The following PARD3B variants were observed in gnomAD, a reference collection of about 807,000 sequenced individuals.
PARD3B encodes par-3 family cell polarity regulator beta, also known as partitioning defective 3 homolog B.
A neutral mutation model predicts 130.2 loss-of-function variants in PARD3B; 103 were observed. The ratio of observed to expected loss-of-function variants is 0.79; its 90% CI spans 0.67 to 0.93. The LOEUF (loss-of-function observed/expected upper bound fraction) is 0.93. Ranked by LOEUF, PARD3B falls within the 40% of genes least tolerant of loss-of-function variation. The pLI is 0.00. For synonymous variants in PARD3B, 583 were observed against 553.2 expected (o/e 1.05, Z -0.76); for missense variants, 1,609 against 1,499.2 (o/e 1.07, Z -1.21).
chr2:204,690,879 G>T (rs965140493), intron 2 of PARD3B, among the ~76,000 whole-genome samples: 1 of 152,132 alleles, frequency 6.6e-6, no homozygotes, highest in African/African-American at 2.4e-5. Context: ...TTGTACTTCA[G>T]ATGGGTTCCT....
chr2:204,859,250 A>C (rs2045086515), intron 2 of PARD3B, among the ~76,000 whole-genome samples: 1 of 152,170 alleles, frequency 6.6e-6, no homozygotes, highest in South Asian at 2.1e-4. Flanking sequence ...GACTTTAACA[A>C]GTATGTGCTG....
chr2:205,433,258 C>A (rs540758068), intron 19 of PARD3B, among the ~76,000 whole-genome samples: 159 of 152,244 alleles, frequency 1.0e-3, no homozygotes, highest in Middle Eastern at 6.8e-3. Context: ...ATAGGCTGGG[C>A]ACGGTGGCTC....
At chr2:205,332,942 G>A (rs1299253159) in intron 18 of PARD3B, among the ~76,000 whole-genome samples, 1 of 152,152 alleles carries the variant, frequency 6.6e-6, no homozygotes, top group Non-Finnish European at 1.5e-5. Flanking sequence ...TTCCTTAGCT[G>A]TTATATAGCA....
rs1417007734 is a variant in PARD3B at position 204,893,391 on chromosome 2, A to G, written c.223-71761A>G. Among the ~76,000 whole-genome samples the G allele has an allele frequency of 2.0e-5, 3 of 152,294 alleles. 1 individual carries two copies. The South Asian group carries it at 6.2e-4, about 32-fold the overall frequency. On this transcript the variant is annotated intron_variant, in intron 2 of 22. Transcript: ENST00000406610. ...GAAATGAGAAAGTGCTTGGAGGAGA[A>G]TATAGAGTCAGATGAGGGATTTTTA... is the stretch of plus-strand genomic sequence containing the variant.
chr2:204,904,075 G>T (rs1400615779), intron 2 of PARD3B, among the ~76,000 whole-genome samples: 2 of 151,950 alleles, frequency 1.3e-5, no homozygotes, highest in African/African-American at 4.8e-5. Flanking sequence ...GCATAAAAAA[G>T]GCTCTGATTT....
chr2:205,521,163 C>G (rs928332111), intron 21 of PARD3B, among the ~76,000 whole-genome samples: 1 of 151,648 alleles, frequency 6.6e-6, no homozygotes, highest in Non-Finnish European at 1.5e-5. Flanking sequence ...TAGAGCAACC[C>G]TATTAAAATT....
At position 205,274,534 on chromosome 2, in the gene PARD3B, A is replaced by G. The variant is rs2040864296; in HGVS notation, c.2186-25996A>G. On this transcript the variant is annotated intron_variant, in intron 16 of 22. Transcript: ENST00000406610. This position sits in a 1 kb window ranked among gnomAD's most constrained non-coding sequence, Gnocchi z 4.2. ...ATGAATAGTATTAAATGTGTGGTAC[A>G]TTGCTTTTTTTAATAACCCCTTTCC... is the stretch of plus-strand genomic sequence containing the variant. Among the ~76,000 whole-genome samples, 1 of 35,010 alleles carries G rather than the reference A, an allele frequency of 2.9e-5. No individual in the cohort carries two copies. The allele number at this position is 35,010 out of a possible 152,430, so 23.0% of individuals were successfully genotyped here.
At chr2:205,192,776 T>C (rs77680020) in intron 14 of PARD3B, among the ~76,000 whole-genome samples, 11,210 of 152,276 alleles carry the variant, frequency 0.074, 569 homozygotes, top group Non-Finnish European at 0.1. Flanking sequence ...TGGTTTTCTC[T>C]AAAGGATACA....
At chr2:204,919,149 A>T (rs556760914) in intron 2 of PARD3B, among the ~76,000 whole-genome samples, 15 of 152,138 alleles carry the variant, frequency 9.9e-5, no homozygotes, top group Middle Eastern at 3.4e-3. Context: ...AAGGCGTCTT[A>T]TTTTTTTATG....
Position 205,300,748 on chromosome 2 carries a change from T to A in PARD3B, c.2392+12T>A. On this transcript the variant is annotated intron_variant, in intron 17 of 22. Transcript: ENST00000406610. The surrounding 1 kb of genome is among the most constrained non-coding windows in gnomAD (Gnocchi z 4.1). ...AGAAATAGAAGCTGGTAGGATGATA[T>A]GCTTCCTTAAATGGCTTCTTCATCT... is the stretch of plus-strand genomic sequence containing the variant. 3.7e-6 allele frequency: 6 copies of A among 1,601,670 alleles called. No individual in the cohort carries two copies. The highest frequency in any genetic ancestry group is 5.1e-6 in the Non-Finnish European group (6 of 1,169,800).
At chr2:204,734,676 C>T (rs1459231492) in intron 2 of PARD3B, among the ~76,000 whole-genome samples, 1 of 152,066 alleles carries the variant, frequency 6.6e-6, no homozygotes, top group Non-Finnish European at 1.5e-5. Flanking sequence ...AATATGATTC[C>T]ATTAAATGAA....
intron 2 of PARD3B, among the ~76,000 whole-genome samples, chr2:204,748,544 G>A (rs1023885236): frequency 1.3e-5 from 2 of 152,128 alleles, no homozygotes; most frequent in African/African-American, 4.8e-5. Flanking sequence ...TAGACATGGG[G>A]AGGTTGTTTC....
At chr2:204,932,245 G>A (rs1476715998) in intron 2 of PARD3B, among the ~76,000 whole-genome samples, 2 of 152,020 alleles carry the variant, frequency 1.3e-5, no homozygotes, top group African/African-American at 4.8e-5. Flanking sequence ...TGAAGCTTGG[G>A]CTGCAAGCTT....
chr2:205,455,059 A>G (rs187543388), intron 20 of PARD3B, among the ~76,000 whole-genome samples: 1 of 152,270 alleles, frequency 6.6e-6, no homozygotes, highest in East Asian at 1.9e-4. Flanking sequence ...ACAATAAAGG[A>G]AAATCTGTAT....
chr2:204,820,570 T>G (rs2043312188), intron 2 of PARD3B, among the ~76,000 whole-genome samples: 1 of 151,854 alleles, frequency 6.6e-6, no homozygotes, highest in African/African-American at 2.4e-5. Flanking sequence ...ATCCCAGCAC[T>G]TTGGGGGGCT....
chr2:204,642,015 G>A (rs2035094004), intron 1 of PARD3B, among the ~76,000 whole-genome samples: 1 of 152,180 alleles, frequency 6.6e-6, no homozygotes, highest in Non-Finnish European at 1.5e-5. Context: ...AAAAAAAATA[G>A]CCTGGAGGCT....
chr2:204,783,038 T>C (rs79109964), intron 2 of PARD3B, among the ~76,000 whole-genome samples: 1,710 of 152,198 alleles, frequency 0.011, 17 homozygotes, highest in Non-Finnish European at 0.019. Flanking sequence ...GGAATTTGAA[T>C]TCAACAGGAA....
At chr2:205,222,819 T>C (rs2038313191) in intron 15 of PARD3B, among the ~76,000 whole-genome samples, 1 of 151,450 alleles carries the variant, frequency 6.6e-6, no homozygotes, top group Non-Finnish European at 1.5e-5. Context: ...TGAGGTTTCC[T>C]AGGAGCAATC....
intron 2 of PARD3B, among the ~76,000 whole-genome samples, chr2:204,719,243 T>C (rs1004228022): frequency 6.6e-6 from 1 of 152,240 alleles, no homozygotes; most frequent in African/African-American, 2.4e-5. Context: ...ATAGTCTTAA[T>C]GGAATAATTA....
Sources: allele counts gnomAD v4.1 joint callset (sites outside exome capture counted in the v4.1 genomes callset), GRCh38; gene constraint gnomAD v4.1.1; non-coding constraint Gnocchi (gnomAD v3.1); transcripts MANE v1.5; gene names NCBI Gene and HGNC (gene_info 2026-07-23, HGNC 2026-07-21).